The following CDH13 variants were observed in gnomAD, a reference collection of about 807,000 sequenced individuals.
CDH13 encodes cadherin-13.
CDH13 carries 24 observed loss-of-function variants against 63.8 expected under a neutral mutation model. That is an observed-to-expected ratio of 0.38 (90% CI 0.27 to 0.53). The LOEUF is 0.53. Ranked by LOEUF, CDH13 falls within the 20% of genes least tolerant of loss-of-function variation. The pLI, the probability that CDH13 is intolerant of heterozygous loss-of-function variation, is 0.85. For missense variants in CDH13, 1,049 were observed against 903.1 expected (o/e 1.16, Z -2.07); for synonymous variants, 503 against 355.3 (o/e 1.42, Z -4.67).
intron 2 of CDH13, among the ~76,000 whole-genome samples, chr16:82,950,973 C>T (rs1297520424): frequency 1.3e-5 from 2 of 152,278 alleles, no homozygotes; most frequent in Non-Finnish European, 2.9e-5. Context: ...AACTGCTATG[C>T]TTCAGCTTAG....
rs571565652 is a variant in CDH13 at position 83,215,073 on chromosome 16, C to CTTTTTTTTTTTTTTTT, written c.484-2266_484-2251dup. ...TTTCATCAGAGAGTATCAAACACCT[C>CTTTTTTTTTTTTTTTT]TTTTTTTTTTTTTTTTTTTTTGAGA... On this transcript the variant is annotated intron_variant, in intron 4 of 13. Coordinates refer to ENST00000567109, the MANE Select transcript of CDH13 (RefSeq NM_001257.5). Among the ~76,000 whole-genome samples the CTTTTTTTTTTTTTTTT allele has an allele frequency of 9.6e-4, 54 of 56,238 alleles. 14 individuals carry two copies. Among genetic ancestry groups the CTTTTTTTTTTTTTTTT allele is most frequent in the African/African-American group, 2.1e-3 (29 of 13,910 alleles). 36.9% of individuals were successfully genotyped at this position (56,238 alleles called of 152,430 possible).
At chr16:82,719,575 G>C in intron 1 of CDH13, 4 of 379,974 alleles carry the variant, frequency 1.1e-5, no homozygotes, top group South Asian at 5.9e-5. Context: ...GATGGGCGCA[G>C]TGGCTTGTGT....
chr16:83,067,948 G>A (rs1023553911), intron 3 of CDH13, among the ~76,000 whole-genome samples: 1 of 152,092 alleles, frequency 6.6e-6, no homozygotes, highest in South Asian at 2.1e-4. Flanking sequence ...CCTGGCCTGG[G>A]CTTAAGAAGC....
intron 1 of CDH13, among the ~76,000 whole-genome samples, chr16:82,849,716 C>G (rs897315537): frequency 1.3e-5 from 2 of 152,216 alleles, no homozygotes; most frequent in Non-Finnish European, 1.5e-5. Flanking sequence ...CAAGCAAACT[C>G]TTTTGTCTGG....
At chr16:83,231,991 CTAACTTA>C (rs1392880111) in intron 5 of CDH13, among the ~76,000 whole-genome samples, 1 of 151,958 alleles carries the variant, frequency 6.6e-6, no homozygotes, top group Non-Finnish European at 1.5e-5. Flanking sequence ...ACCACATGTT[CTAACTTA>C]TAAGTGGGAG....
chr16:83,343,053 A>G (rs912524318), intron 5 of CDH13, among the ~76,000 whole-genome samples: 1 of 151,876 alleles, frequency 6.6e-6, no homozygotes, highest in Non-Finnish European at 1.5e-5. Flanking sequence ...TTGTGTGCAG[A>G]TATTACGAGG....
At chr16:83,000,802 A>G (rs1447381058) in intron 2 of CDH13, among the ~76,000 whole-genome samples, 1 of 151,538 alleles carries the variant, frequency 6.6e-6, no homozygotes, top group Non-Finnish European at 1.5e-5. Context: ...GATGATCTCA[A>G]TCTCCTGCCC....
At chr16:83,134,928 C>T (rs548603985) in intron 4 of CDH13, among the ~76,000 whole-genome samples, 2 of 152,282 alleles carry the variant, frequency 1.3e-5, no homozygotes, top group Admixed American at 6.5e-5. Flanking sequence ...ATCACCCTTT[C>T]GGTTCTCCAT....
At chr16:83,477,760 A>G (rs1488644820) in intron 6 of CDH13, among the ~76,000 whole-genome samples, 2 of 152,178 alleles carry the variant, frequency 1.3e-5, no homozygotes, top group African/African-American at 4.8e-5. Context: ...CAAGGTCAAA[A>G]GCTGGTGGGC....
chr16:83,049,917 A>G (rs2030103991), intron 3 of CDH13, among the ~76,000 whole-genome samples: 1 of 152,232 alleles, frequency 6.6e-6, no homozygotes, highest in Admixed American at 6.5e-5. Context: ...ATTTACAATG[A>G]TTGAGTGTGG....
intron 3 of CDH13, among the ~76,000 whole-genome samples, chr16:83,105,492 A>G (rs544402013): frequency 2.4e-4 from 37 of 152,230 alleles, no homozygotes; most frequent in African/African-American, 7.7e-4. Context: ...GTCCCTTCCA[A>G]TCCGATGAGT....
chr16:83,060,045 C>T (rs1013906124), intron 3 of CDH13, among the ~76,000 whole-genome samples: 3 of 152,136 alleles, frequency 2.0e-5, no homozygotes, highest in East Asian at 1.9e-4. Context: ...CCGCAAGCCT[C>T]GGCCTCCCAA....
chr16:82,902,695 G>A (rs1205479865), intron 2 of CDH13, among the ~76,000 whole-genome samples: 1 of 151,856 alleles, frequency 6.6e-6, no homozygotes, highest in Non-Finnish European at 1.5e-5. Flanking sequence ...TACAACATTG[G>A]CATTCATTCA....
chr16:83,595,539 G>C (rs185082247), intron 7 of CDH13, among the ~76,000 whole-genome samples: 1 of 152,260 alleles, frequency 6.6e-6, no homozygotes, highest in Admixed American at 6.5e-5. Flanking sequence ...CTAAAAAATG[G>C]CTTATGTCTT....
chr16:82,759,640 A>G (rs769231729), intron 1 of CDH13, among the ~76,000 whole-genome samples: 1 of 151,774 alleles, frequency 6.6e-6, no homozygotes, highest in East Asian at 1.9e-4. Flanking sequence ...CATATGCAGT[A>G]TTCCATAGAA....
At chr16:83,592,840 C>G (rs1267371120) in intron 7 of CDH13, among the ~76,000 whole-genome samples, 2 of 152,000 alleles carry the variant, frequency 1.3e-5, no homozygotes, top group Non-Finnish European at 2.9e-5. Flanking sequence ...ACATTCGTAC[C>G]AAGAGGTAAG....
chr16:82,952,504 T>C (rs741588), intron 2 of CDH13, among the ~76,000 whole-genome samples: 22 of 152,168 alleles, frequency 1.4e-4, no homozygotes, highest in Non-Finnish European at 2.2e-4. Flanking sequence ...ATCCCTACAA[T>C]AGGAGAAACA....
At chr16:83,665,511 A>G (rs1474501179) in intron 8 of CDH13, among the ~76,000 whole-genome samples, 1 of 152,210 alleles carries the variant, frequency 6.6e-6, no homozygotes, top group African/African-American at 2.4e-5. Context: ...AATGTTTGCA[A>G]GTTATATTTC....
intron 1 of CDH13, among the ~76,000 whole-genome samples, chr16:82,757,631 C>G (rs939722456): frequency 1.0e-5 from 1 of 96,212 alleles, no homozygotes. Context: ...GGTAATAACG[C>G]CATAGCTTTT....
Sources: gnomAD v4.1 joint callset for allele counts (sites outside exome capture counted in the v4.1 genomes callset) on GRCh38, gnomAD v4.1.1 for gene constraint, MANE v1.5 for transcripts, NCBI Gene and HGNC (gene_info 2026-07-23, HGNC 2026-07-21) for gene names.